Variants in RGS6 observed in about 807,000 individuals in gnomAD.
RGS6 encodes regulator of G-protein signaling 6.
In RGS6, 30 loss-of-function variants were observed where a neutral mutation model predicts 78.5. That is an observed-to-expected ratio of 0.38 (90% confidence interval 0.29 to 0.52). The LOEUF (loss-of-function observed/expected upper bound fraction) is 0.52. Ranked by LOEUF, RGS6 falls within the 20% of genes least tolerant of loss-of-function variation. The pLI is 0.85. For missense variants in RGS6, 495 were observed against 609.7 expected (o/e 0.81, Z 1.98); for synonymous variants, 206 against 206.0 (o/e 1.00, Z 0.00).
At chr14:72,516,088 C>T (rs1456545597) in intron 14 of RGS6, among the ~76,000 whole-genome samples, 2 of 152,240 alleles carry the variant, frequency 1.3e-5, no homozygotes, top group East Asian at 3.8e-4. Flanking sequence ...TCACTGACTT[C>T]GTCTCTGGAC....
In RGS6 at chr14:72,499,902, A is replaced by G. The variant is rs574831169; in HGVS notation, c.965+4640A>G. On this transcript the variant is annotated intron_variant, in intron 13 of 17. Coordinates refer to ENST00000553525, the MANE Select transcript of RGS6 (RefSeq NM_001204424.2). ...TCCTCCTGGTTCCCTTTCTAAATAG[A>G]ATGATTTCAGCGCCTAGGCCTATCT... is the stretch of plus-strand genomic sequence containing the variant. Among the ~76,000 whole-genome samples the G allele has an allele frequency of 8.3e-4, 127 of 152,206 alleles. 5 individuals carry two copies. The highest frequency in any genetic ancestry group is 3.3e-4 in the Admixed American group (5 of 15,290).
chr14:72,555,209 A>T (rs1192743217), intron 17 of RGS6, among the ~76,000 whole-genome samples: 1 of 152,228 alleles, frequency 6.6e-6, no homozygotes, highest in East Asian at 1.9e-4. Flanking sequence ...GGCATTTGCC[A>T]TGTGTGTTCC....
At chr14:72,413,216 G>C (rs1204957036) in intron 3 of RGS6, among the ~76,000 whole-genome samples, 2 of 152,188 alleles carry the variant, frequency 1.3e-5, no homozygotes, top group African/African-American at 2.4e-5. Flanking sequence ...TCTCTTTGTA[G>C]GTCACTAAGG....
At chr14:71,905,380 A>G in the RGS6 span, among the ~76,000 whole-genome samples, 1 of 152,226 alleles carries the variant, frequency 6.6e-6, no homozygotes, top group African/African-American at 2.4e-5. Flanking sequence ...TTTTGCAGCT[A>G]TAGTTTTTGA....
chr14:72,176,858 A>G (rs1360166036), intron 2 of RGS6, among the ~76,000 whole-genome samples: 1 of 152,182 alleles, frequency 6.6e-6, no homozygotes, highest in Non-Finnish European at 1.5e-5. Context: ...AGGTCAAGAT[A>G]CAGACCAACC....
chr14:72,608,927 A>G, the RGS6 span, among the ~76,000 whole-genome samples: 21 of 152,026 alleles, frequency 1.4e-4, no homozygotes, highest in Non-Finnish European at 2.8e-4. Flanking sequence ...TCTCTTACAC[A>G]ATGCAGTCCT....
chr14:72,401,861 G>A (rs1466661425), intron 3 of RGS6, among the ~76,000 whole-genome samples: 1 of 152,176 alleles, frequency 6.6e-6, no homozygotes, highest in African/African-American at 2.4e-5. Flanking sequence ...GTTTGATTTG[G>A]AGTGACAAGA....
At chr14:72,058,057 A>G (rs189377308) in intron 2 of RGS6, among the ~76,000 whole-genome samples, 2 of 147,384 alleles carry the variant, frequency 1.4e-5, no homozygotes, top group Non-Finnish European at 3.0e-5. Flanking sequence ...TGGCTATCAT[A>G]TTGTCAGTTT....
chr14:71,912,009 A>G, the RGS6 span, among the ~76,000 whole-genome samples: 1 of 152,228 alleles, frequency 6.6e-6, no homozygotes, highest in Non-Finnish European at 1.5e-5. Context: ...CATTAAAATT[A>G]GGTTCTATCC....
intron 10 of RGS6, among the ~76,000 whole-genome samples, 165 bp from the exon 11 acceptor site, chr14:72,476,577 C>G (rs568375857): frequency 6.6e-6 from 1 of 152,296 alleles, no homozygotes; most frequent in Admixed American, 6.5e-5. Flanking sequence ...AGATGACATG[C>G]CTTAAGAGGC....
At chr14:72,364,013 A>AAAAAAC (rs2082002312) in intron 3 of RGS6, among the ~76,000 whole-genome samples, 2 of 150,900 alleles carry the variant, frequency 1.3e-5, no homozygotes, top group African/African-American at 4.9e-5. Context: ...AAAAAAAAAA[A>AAAAAAC]AAAAAAAAAA....
At chr14:72,439,109 A>G (rs1452957494) in intron 3 of RGS6, among the ~76,000 whole-genome samples, 1 of 152,200 alleles carries the variant, frequency 6.6e-6, no homozygotes, top group African/African-American at 2.4e-5. Context: ...AGTAGTCCCC[A>G]GTGATCCTCT....
At chr14:72,597,246 AAG>A in the RGS6 span, among the ~76,000 whole-genome samples, 3 of 133,714 alleles carry the variant, frequency 2.2e-5, no homozygotes, top group Non-Finnish European at 1.7e-5. Context: ...CTCAAAAAAA[AAG>A]AAAGAGAGAG....
intron 2 of RGS6, among the ~76,000 whole-genome samples, chr14:72,122,679 G>A (rs1205551831): frequency 6.6e-6 from 1 of 151,068 alleles, no homozygotes. Context: ...GTTATACGCT[G>A]TCATTTCACC....
intron 17 of RGS6, chr14:72,541,404 C>T: frequency 1.3e-6 from 2 of 1,490,338 alleles, no homozygotes; most frequent in Non-Finnish European, 1.8e-6. Flanking sequence ...ATTAATTAAA[C>T]ATCGGTATCC....
At chr14:71,909,481 CAGAG>C in the RGS6 span, among the ~76,000 whole-genome samples, 11 of 146,978 alleles carry the variant, frequency 7.5e-5, no homozygotes, top group East Asian at 2.0e-4. Flanking sequence ...TACACCTGCA[CAGAG>C]AGAGAGAGAG....
chr14:72,349,160 C>T (rs1483936478), intron 2 of RGS6, among the ~76,000 whole-genome samples: 1 of 151,980 alleles, frequency 6.6e-6, no homozygotes, highest in South Asian at 2.1e-4. Flanking sequence ...AGTGAGACTC[C>T]GTCTCAAAAA....
intron 15 of RGS6, among the ~76,000 whole-genome samples, chr14:72,529,868 T>C (rs2097161444): frequency 6.6e-6 from 1 of 152,226 alleles, no homozygotes; most frequent in Admixed American, 6.5e-5. Flanking sequence ...GCAAAGTCTA[T>C]CTTGCCTAGT....
intron 3 of RGS6, among the ~76,000 whole-genome samples, chr14:72,453,468 T>C (rs2095546398): frequency 6.8e-6 from 1 of 147,826 alleles, no homozygotes; most frequent in Non-Finnish European, 1.5e-5. Context: ...ACAAAAAAAT[T>C]AGCCGGGCGT....
Sources: allele counts gnomAD v4.1 joint callset (sites outside exome capture counted in the v4.1 genomes callset), GRCh38; gene constraint gnomAD v4.1.1; transcripts MANE v1.5; gene names NCBI Gene and HGNC (gene_info 2026-07-23, HGNC 2026-07-21).